The following EXOC1 variants were observed in gnomAD, a reference collection of about 807,000 sequenced individuals.
EXOC1 encodes SEC3-like 1.
Under a neutral mutation model 107.7 loss-of-function variants are expected in EXOC1, and 67 were observed. That is an observed-to-expected ratio of 0.62 (90% CI 0.51 to 0.76). EXOC1 has a LOEUF of 0.76. Among genes scored for constraint, EXOC1 ranks in the 30% least tolerant of loss-of-function variants. The probability of loss-of-function intolerance (pLI) is 0.00; values close to 1 mark genes in which losing one functional copy is unlikely to be tolerated. For missense variants in EXOC1, 833 were observed against 1,055.7 expected (o/e 0.79, Z 2.92); for synonymous variants, 348 against 353.5 (o/e 0.98, Z 0.17).
intron 8 of EXOC1, among the ~76,000 whole-genome samples, chr4:55,872,495 ATTG>A (rs1722538716): frequency 6.6e-6 from 1 of 151,992 alleles, no homozygotes; most frequent in Non-Finnish European, 1.5e-5. Flanking sequence ...TGGTAATAAT[ATTG>A]TTATTAATAA....
chr4:55,885,894 C>A (rs1462349975), intron 10 of EXOC1, among the ~76,000 whole-genome samples: 2 of 152,018 alleles, frequency 1.3e-5, no homozygotes, highest in Non-Finnish European at 2.9e-5. Flanking sequence ...TCAAAGATAT[C>A]TTTTCAGTGA....
At chr4:55,872,889 G>A (rs1722573338) in intron 8 of EXOC1, 11 of 448,806 alleles carry the variant, frequency 2.5e-5, no homozygotes, top group Non-Finnish European at 2.9e-5. Flanking sequence ...AACAGCAGCC[G>A]AATCTTTACA....
intron 9 of EXOC1, among the ~76,000 whole-genome samples, chr4:55,879,611 G>T: frequency 6.6e-6 from 1 of 152,188 alleles, no homozygotes; most frequent in East Asian, 1.9e-4. Flanking sequence ...AATAGCCATT[G>T]TAGCAGGAAG....
At chr4:55,885,861 A>G (rs1317047444) in intron 10 of EXOC1, among the ~76,000 whole-genome samples, 1 of 152,212 alleles carries the variant, frequency 6.6e-6, no homozygotes, top group Non-Finnish European at 1.5e-5. Context: ...GAAGTTCTAA[A>G]TAAGATATAG....
chr4:55,892,670 A>T lies in EXOC1; in HGVS notation c.1683A>T (p.Ser561=), dbSNP rs752866211. 6.2e-7 allele frequency: 1 copy of T among 1,614,022 alleles called. No individual in the cohort carries two copies. Among genetic ancestry groups the T allele is most frequent in the African/African-American group, 1.3e-5 (1 of 74,930 alleles). Residue 561 remains serine, a synonymous_variant, in exon 14 of 19, where the codon TCA becomes TCT. Transcript: ENST00000381295. ...EAEDLDGGTL[S]RQHNCGTPLP... ...AGGACCTGGATGGAGGAACATTATC[A>T]CGGCAACATAATTGTGGCACACCAC...
intron 5 of EXOC1, 48 bp from the exon 6 acceptor site, chr4:55,870,630 T>C (rs1168259337): frequency 2.7e-5 from 38 of 1,395,298 alleles, no homozygotes; most frequent in Non-Finnish European, 3.6e-5. Context: ...AGTATGTTTT[T>C]TGTTTGTTTG....
At chr4:55,873,146 T>C (rs1456497383) in intron 8 of EXOC1, among the ~76,000 whole-genome samples, 2 of 152,032 alleles carry the variant, frequency 1.3e-5, no homozygotes, top group Non-Finnish European at 2.9e-5. Flanking sequence ...AGACATTAAC[T>C]TGGGATAAAT....
Position 55,868,503 on chromosome 4 carries a change from G to T in EXOC1, c.583G>T (p.Glu195Ter). Residue 195 changes from glutamate (E) to a stop codon, truncating the protein, a stop_gained, in exon 5 of 19, where the codon GAG becomes TAG. Transcript: ENST00000381295. LOFTEE classifies it high-confidence loss of function. ...AEAFAEKLSR[E>*]LQVLDGANIQ... The stretch of plus-strand genomic sequence containing the variant: ...AGCCTTTGCAGAAAAATTGTCCAGA[G>T]AGCTGCAGGTGCTAGATGGGGTAAG... 6.2e-7 allele frequency: 1 copy of T among 1,613,692 alleles called. No homozygotes were observed. The highest frequency in any genetic ancestry group is 8.5e-7 in the Non-Finnish European group (1 of 1,179,692).
chr4:55,899,966 A>G, intron 17 of EXOC1, 82 bp downstream of exon 17: 3 of 1,243,778 alleles, frequency 2.4e-6, no homozygotes, highest in Non-Finnish European at 3.3e-6. Flanking sequence ...GCAGACATTT[A>G]TCTTAAATTT....
At chr4:55,859,504 TATTA>T (rs1721282150) in intron 2 of EXOC1, among the ~76,000 whole-genome samples, 1 of 152,164 alleles carries the variant, frequency 6.6e-6, no homozygotes, top group Non-Finnish European at 1.5e-5. Context: ...CAAACTTTCT[TATTA>T]ATTCTAATTA....
intron 16 of EXOC1, 73 bp downstream of exon 16, chr4:55,896,973 C>A: frequency 8.2e-7 from 1 of 1,217,876 alleles, no homozygotes; most frequent in Non-Finnish European, 1.1e-6. Flanking sequence ...AAATCGGGAG[C>A]AGATAGGTTC....
rs533428063 is a variant in EXOC1, at chr4:55,886,339, G to A, written c.1330+2411G>A. ...AGGCTGAGCCGGGAGGATGACTTGA[G>A]CCCTGGAGGTCGAGACAAGCCTTGG... On this transcript the variant is annotated intron_variant, in intron 10 of 18. Transcript: ENST00000381295. Among the ~76,000 whole-genome samples, 120 of 152,030 alleles carry A rather than the reference G, an allele frequency of 7.9e-4. 1 individual carries two copies. Among genetic ancestry groups the A allele is most frequent in the African/African-American group, 2.8e-3 (115 of 41,448 alleles).
At position 55,896,744 on chromosome 4, in the gene EXOC1, G is replaced by A; in HGVS notation, c.1981G>A (p.Val661Ile). 6.2e-7 allele frequency: 1 copy of A among 1,609,042 alleles called. No homozygotes were observed. Among genetic ancestry groups the A allele is most frequent in the Non-Finnish European group, 8.5e-7 (1 of 1,178,764 alleles). ...ISNQIRQMEE[V>I]KISKKSKVGI... Reference sequence around the variant, plus strand: ...TAACCAAATAAGGCAAATGGAAGAAGTAAAGATCTCAAAAAAGAGTAAAGT... The same window carrying A: ...TAACCAAATAAGGCAAATGGAAGAAATAAAGATCTCAAAAAAGAGTAAAGT... Residue 661 changes from valine to isoleucine, a missense_variant, in exon 16 of 19, where the codon GTA (valine) becomes ATA (isoleucine). Physicochemically the swap from Val to Ile is conservative, Grantham distance 29 (BLOSUM62 3). This residue lies in a region of EXOC1 where 216 missense variants were observed against 354.4 expected (regional missense o/e 0.61). Coordinates refer to ENST00000381295, the MANE Select transcript of EXOC1 (RefSeq NM_001024924.2).
intron 16 of EXOC1, among the ~76,000 whole-genome samples, chr4:55,898,091 C>CA (rs1359051246): frequency 1.4e-4 from 21 of 151,764 alleles, no homozygotes; most frequent in African/African-American, 4.8e-4. Context: ...CTTGTCTGTA[C>CA]AAAAAAAATT....
chr4:55,853,770 G>A lies in EXOC1; in HGVS notation c.-194G>A, dbSNP rs962497699. ...TCTCCGTTTTGGAAGACCCGCCTCG[G>A]CACAGCCAGGCTCAGTCCGGCCTTG... On this transcript the variant is annotated 5_prime_UTR_variant, in exon 1 of 19. Transcript: ENST00000381295. 1 of 152,282 alleles carries A rather than the reference G, an allele frequency of 6.6e-6. No homozygotes were observed. Among genetic ancestry groups the A allele is most frequent in the African/African-American group, 2.4e-5 (1 of 41,456 alleles). The allele number at this position is 152,282 out of a possible 1,614,324, so 9.4% of individuals were successfully genotyped here.
intron 3 of EXOC1, among the ~76,000 whole-genome samples, chr4:55,862,394 C>T (rs1721561474): frequency 6.6e-6 from 1 of 151,652 alleles, no homozygotes. Context: ...AATTTTTATA[C>T]ATAACTTAAC....
intron 4 of EXOC1, chr4:55,866,824 A>G (rs553388181): frequency 1.0e-6 from 1 of 979,646 alleles, no homozygotes; most frequent in East Asian, 1.1e-4. Flanking sequence ...CCCAGCTAAT[A>G]TTCTTTGCTT....
At chr4:55,900,114 T>TA (rs2109506169) in intron 17 of EXOC1, among the ~76,000 whole-genome samples, 1 of 152,292 alleles carries the variant, frequency 6.6e-6, no homozygotes, top group East Asian at 1.9e-4. Context: ...TAATGATAAT[T>TA]GTACTAGTAT....
chr4:55,904,426 T>C lies in EXOC1; in HGVS notation c.2616T>C (p.Ser872=). The C allele has an allele frequency of 6.2e-7, 1 of 1,613,328 alleles. No individual in the cohort carries two copies. The highest frequency in any genetic ancestry group is 1.1e-5 in the South Asian group (1 of 90,992). The change falls in exon 19 of 19, where the codon TCT becomes TCC. Residue 872 remains serine, a synonymous_variant. Coordinates refer to ENST00000381295, the MANE Select transcript of EXOC1 (RefSeq NM_001024924.2). ...TGATAGCTCGCTGTTATCCTGGATC[T>C]GGTGTTACAATGGAATTCACTATTC... ...EGLIARCYPG[S]GVTMEFTIQD...
Sources: allele counts gnomAD v4.1 joint callset (sites outside exome capture counted in the v4.1 genomes callset), GRCh38; gene constraint gnomAD v4.1.1; regional missense constraint gnomAD v4.1.1; transcripts MANE v1.5; gene names NCBI Gene and HGNC (gene_info 2026-07-23, HGNC 2026-07-21).